Variants in VIP observed in about 807,000 individuals in gnomAD.
The protein encoded by VIP is VIP peptides.
A neutral mutation model predicts 20.1 loss-of-function variants in VIP; 18 were observed. The observed-to-expected ratio is 0.90, with a 90% CI of 0.62 to 1.33. The LOEUF (loss-of-function observed/expected upper bound fraction) is 1.33. Ranked by LOEUF, VIP falls within the 40% of genes most tolerant of loss-of-function variation. The pLI is 0.00. For synonymous variants in VIP, 70 were observed against 68.1 expected, an observed-to-expected ratio of 1.03 and a Z score of -0.14; for missense variants, 209 against 199.4, an observed-to-expected ratio of 1.05 and a Z score of -0.29.
At chr6:152,756,344 A>G (rs2099730425) in intron 5 of VIP, 79 bp downstream of exon 5, 11 of 1,462,998 alleles carry the variant, frequency 7.5e-6, no homozygotes, top group South Asian at 1.4e-5. Flanking sequence ...AGACCTCTCT[A>G]TCTCACTTAT....
At position 152,757,163 on chromosome 6, in the gene VIP, A is replaced by C. The variant is rs2099730548; in HGVS notation, c.*22A>C. On this transcript the variant is annotated 3_prime_UTR_variant, in exon 6 of 7. Transcript: ENST00000367244. ...ATGATGAAAAAGACCTTTGGAGCAA[A>C]GCTGATGACAACTTCCCAGTGGTGG... 1 of 1,610,068 alleles carries C rather than the reference A, an allele frequency of 6.2e-7. No individual in the cohort carries two copies. Among genetic ancestry groups the C allele is most frequent in the African/African-American group, 1.3e-5 (1 of 74,742 alleles).
chr6:152,758,650 G>A lies in VIP; in HGVS notation c.*44-260G>A, dbSNP rs188159941. On this transcript the variant is annotated intron_variant, in intron 6 of 6. Coordinates refer to ENST00000367244, the MANE Select transcript of VIP (RefSeq NM_003381.4). ...ATTCTTTGAAGAGGAAATCATGTGG[G>A]TCATCCATTAGTGAAAATTACAAGT... Among the ~76,000 whole-genome samples, 365 of 152,002 alleles carry A rather than the reference G, an allele frequency of 2.4e-3. 1 individual carries two copies. The highest frequency in any genetic ancestry group is 3.7e-3 in the Non-Finnish European group (251 of 67,906).
At chr6:152,757,048 T>A in intron 5 of VIP, 48 bp from the exon 6 acceptor site, 2 of 1,591,214 alleles carry the variant, frequency 1.3e-6, no homozygotes, top group South Asian at 2.2e-5. Context: ...CTTTAGACCC[T>A]TTCTCATCTG....
At chr6:152,758,608 T>C (rs549211951) in intron 6 of VIP, among the ~76,000 whole-genome samples, 2 of 152,140 alleles carry the variant, frequency 1.3e-5, no homozygotes, top group South Asian at 4.1e-4. Flanking sequence ...CTTTTTTAAA[T>C]GGGTGGCTTT....
chr6:152,758,255 T>A (rs2099730719), intron 6 of VIP, among the ~76,000 whole-genome samples: 1 of 151,968 alleles, frequency 6.6e-6, no homozygotes, highest in Non-Finnish European at 1.5e-5. Flanking sequence ...TGGGGTTATC[T>A]AAGGTTTTCA....
At chr6:152,752,355 G>A (rs1203889975) in intron 2 of VIP, 71 bp downstream of exon 2, 1 of 1,295,978 alleles carries the variant, frequency 7.7e-7, no homozygotes, top group Admixed American at 1.8e-5. Flanking sequence ...TATACATTTT[G>A]TTGGACAACT....
chr6:152,758,036 T>C (rs1257582152), intron 6 of VIP, among the ~76,000 whole-genome samples: 1 of 152,010 alleles, frequency 6.6e-6, no homozygotes, highest in Non-Finnish European at 1.5e-5. Flanking sequence ...GTGAGCCATC[T>C]ATTTTCTGTT....
intron 4 of VIP, 117 bp from the exon 5 acceptor site, chr6:152,756,017 A>G: frequency 9.0e-7 from 1 of 1,110,218 alleles, no homozygotes; most frequent in Non-Finnish European, 1.2e-6. Context: ...TCTTTTTATG[A>G]TAGAAAATTA....
At chr6:152,756,032 G>T in intron 4 of VIP, 102 bp from the exon 5 acceptor site, 1 of 1,230,348 alleles carries the variant, frequency 8.1e-7, no homozygotes, top group Non-Finnish European at 1.1e-6. Flanking sequence ...AAATTAGTTG[G>T]GTGGGAATTG....
chr6:152,754,349 T>C (rs2099730091), intron 3 of VIP, 61 bp downstream of exon 3: 4 of 1,474,788 alleles, frequency 2.7e-6, no homozygotes, highest in Admixed American at 2.0e-5. Context: ...GTTTAAGAAC[T>C]ATAAACGTGC....
chr6:152,757,354 A>G (rs1159569442), intron 6 of VIP, among the ~76,000 whole-genome samples, 170 bp downstream of exon 6: 1 of 152,008 alleles, frequency 6.6e-6, no homozygotes, highest in Non-Finnish European at 1.5e-5. Context: ...TAAACAGCTT[A>G]GAATGATTCA....
chr6:152,755,390 A>C lies in VIP; in HGVS notation c.335+17A>C. The C allele has an allele frequency of 7.2e-7, 1 of 1,381,992 alleles. No homozygotes were observed. 85.6% of individuals were successfully genotyped at this position (1,381,992 alleles called of 1,614,324 possible). ...ACGTGTTAGGTAAAGAGAATTTATT[A>C]TTTTTATAAAATATGTTATCATTAT... On this transcript the variant is annotated intron_variant, in intron 4 of 6. Transcript: ENST00000367244.
intron 4 of VIP, 123 bp downstream of exon 4, chr6:152,755,496 T>A: frequency 1.7e-6 from 1 of 591,792 alleles, no homozygotes; most frequent in Non-Finnish European, 2.7e-6. Context: ...ATGTTTAATT[T>A]AGTTAAATGA....
chr6:152,754,059 G>A (rs2099730048), intron 2 of VIP, 107 bp from the exon 3 acceptor site: 2 of 1,247,652 alleles, frequency 1.6e-6, no homozygotes, highest in Admixed American at 2.8e-5. Flanking sequence ...TTATGACTGG[G>A]TAATACTTCC....
rs975174334 is a variant in VIP, at chr6:152,750,826, T to C, written c.-144T>C. 2 of 152,218 alleles carry C rather than the reference T, an allele frequency of 1.3e-5. No individual in the cohort carries two copies. Among genetic ancestry groups the C allele is most frequent in the Non-Finnish European group, 2.9e-5 (2 of 68,118 alleles). The allele number at this position is 152,218 out of a possible 1,614,324, so 9.4% of individuals were successfully genotyped here. ...TAGAGTGAGAAGCACCAGCAGGCAG[T>C]AACAGCCAACCCTTAGCCATTGCTA... On this transcript the variant is annotated 5_prime_UTR_variant, in exon 1 of 7. Coordinates refer to ENST00000367244, the MANE Select transcript of VIP (RefSeq NM_003381.4).
At chr6:152,757,580 T>C (rs1395127221) in intron 6 of VIP, among the ~76,000 whole-genome samples, 1 of 152,000 alleles carries the variant, frequency 6.6e-6, no homozygotes, top group East Asian at 1.9e-4. Flanking sequence ...CACAATTGAC[T>C]GTTAGCTCCT....
chr6:152,754,635 G>C (rs1040290626), intron 3 of VIP, among the ~76,000 whole-genome samples: 9 of 151,924 alleles, frequency 5.9e-5, no homozygotes, highest in Non-Finnish European at 1.2e-4. Context: ...ATAAAGAAAA[G>C]ATACCTGATA....
At chr6:152,758,820 G>A (rs977854456) in intron 6 of VIP, 90 bp from the exon 7 acceptor site, 5 of 152,036 alleles carry the variant, frequency 3.3e-5, no homozygotes. Flanking sequence ...AGAAATAAGT[G>A]TTTATCAGAT....
intron 1 of VIP, among the ~76,000 whole-genome samples, chr6:152,751,593 G>A (rs951456163): frequency 1.3e-5 from 2 of 152,008 alleles, no homozygotes; most frequent in African/African-American, 4.8e-5. Context: ...GAGTTAAGAA[G>A]TTCAAATCCA....
Sources: gnomAD v4.1 joint callset for allele counts (sites outside exome capture counted in the v4.1 genomes callset) on GRCh38, gnomAD v4.1.1 for gene constraint, MANE v1.5 for transcripts, NCBI Gene and HGNC (gene_info 2026-07-23, HGNC 2026-07-21) for gene names.